The following GRHL3 variants were observed in gnomAD, a reference collection of about 807,000 sequenced individuals.
GRHL3 encodes the protein grainyhead-like protein 3 homolog.
Under a neutral mutation model 70.3 loss-of-function variants are expected in GRHL3, and 20 were observed. The ratio of observed to expected loss-of-function variants is 0.28; its 90% CI spans 0.20 to 0.41. The LOEUF is 0.41. Ranked by LOEUF, GRHL3 falls within the 10% of genes least tolerant of loss-of-function variation. GRHL3 has a pLI of 1.00. For synonymous variants in GRHL3, 299 were observed against 299.9 expected (o/e 1.00, Z 0.03); for missense variants, 637 against 762.3 (o/e 0.84, Z 1.94).
At position 24,354,656 on chromosome 1, in the gene GRHL3, C is replaced by A. The variant is rs1640646595; in HGVS notation, c.*168C>A. On this transcript the variant is annotated 3_prime_UTR_variant, in exon 16 of 16. Transcript: ENST00000361548. ...ACAGACGTCAGGGCCAGGGAGAGAC[C>A]TAGGGGGTCCCCTGGCCTGGATCCC... 1.8e-6 allele frequency: 1 copy of A among 563,864 alleles called. No homozygotes were observed. The highest frequency in any genetic ancestry group is 1.9e-5 in the African/African-American group (1 of 53,140). The allele number at this position is 563,864 out of a possible 1,614,324, so 34.9% of individuals were successfully genotyped here.
intron 15 of GRHL3, among the ~76,000 whole-genome samples, chr1:24,363,635 T>A (rs144332998): frequency 1.5e-3 from 230 of 152,370 alleles, no homozygotes; most frequent in African/African-American, 5.3e-3. Context: ...GCTTTACTTG[T>A]AACATTTGTT....
chr1:24,348,410 C>G (rs1640377341), intron 14 of GRHL3, among the ~76,000 whole-genome samples: 1 of 152,228 alleles, frequency 6.6e-6, no homozygotes, highest in Non-Finnish European at 1.5e-5. Flanking sequence ...CCAGCCCAGG[C>G]TCTCCTCATG....
chr1:24,352,977 C>A (rs1303944416), intron 15 of GRHL3, among the ~76,000 whole-genome samples: 1 of 152,178 alleles, frequency 6.6e-6, no homozygotes, highest in Non-Finnish European at 1.5e-5. Flanking sequence ...CTCGGGGGGT[C>A]CTCGTGCCTG....
chr1:24,325,669 G>A (rs1639362418), intron 1 of GRHL3, among the ~76,000 whole-genome samples: 1 of 152,208 alleles, frequency 6.6e-6, no homozygotes, highest in Non-Finnish European at 1.5e-5. Flanking sequence ...GGCTGACTGG[G>A]CATGGAGCAG....
rs1342551931 is a variant in GRHL3, at chr1:24,322,531, G to A, written c.17+2963G>A. On this transcript the variant is annotated intron_variant, in intron 1 of 15. Transcript: ENST00000361548. This position sits in a 1 kb window ranked among gnomAD's most constrained non-coding sequence, Gnocchi z 4.4. ...ATGAAAAGTTAAAAGCCCTCTTTGA[G>A]TTCGGGCTGTAAAACTGGCGGACTG... is the stretch of plus-strand genomic sequence containing the variant. Among the ~76,000 whole-genome samples, 1 of 152,266 alleles carries A rather than the reference G, an allele frequency of 6.6e-6. No homozygotes were observed. The highest frequency in any genetic ancestry group is 1.5e-5 in the Non-Finnish European group (1 of 68,046).
intron 1 of GRHL3, among the ~76,000 whole-genome samples, chr1:24,325,456 A>G (rs1188571790): frequency 1.3e-5 from 2 of 152,256 alleles, no homozygotes; most frequent in Non-Finnish European, 2.9e-5. Flanking sequence ...GGATTCTAAC[A>G]GAAGGAAATG....
intron 14 of GRHL3, among the ~76,000 whole-genome samples, chr1:24,349,507 C>T (rs774885408): frequency 2.6e-4 from 40 of 152,320 alleles, no homozygotes; most frequent in African/African-American, 6.3e-4. Flanking sequence ...GCTCAGTACG[C>T]GCCAGGAGCT....
downstream of GRHL3, among the ~76,000 whole-genome samples, chr1:24,356,041 C>G (rs1640706176): frequency 6.6e-6 from 1 of 151,446 alleles, no homozygotes; most frequent in East Asian, 1.9e-4. Context: ...GCTGGGACTA[C>G]AGGTGCCTGA....
chr1:24,362,080 GC>G (rs1475324828), intron 15 of GRHL3, among the ~76,000 whole-genome samples: 1 of 152,144 alleles, frequency 6.6e-6, no homozygotes, highest in Admixed American at 6.5e-5. Flanking sequence ...GCACTGAATG[GC>G]CAAGGGAGCC....
In GRHL3 at chr1:24,354,682, C is replaced by T; in HGVS notation, c.*194C>T. On this transcript the variant is annotated 3_prime_UTR_variant, in exon 16 of 16. Transcript: ENST00000361548. ...TAGGGGGTCCCCTGGCCTGGATCCC[C>T]ATGGTATGCTTGAATCTGCTCCCTG... is the stretch of plus-strand genomic sequence containing the variant. 1 of 527,100 alleles carries T rather than the reference C, an allele frequency of 1.9e-6. No homozygotes were observed. The highest frequency in any genetic ancestry group is 3.4e-6 in the Non-Finnish European group (1 of 292,204). 32.7% of individuals were successfully genotyped at this position (527,100 alleles called of 1,614,324 possible).
chr1:24,364,015 A>T (rs991609814), intron 15 of GRHL3, among the ~76,000 whole-genome samples: 1 of 152,162 alleles, frequency 6.6e-6, no homozygotes, highest in African/African-American at 2.4e-5. Flanking sequence ...ATGGCCTCTC[A>T]ATCCAGCCTA....
At chr1:24,331,379 C>T in intron 1 of GRHL3, 47 bp from the exon 2 acceptor site, 1 of 1,538,154 alleles carries the variant, frequency 6.5e-7, no homozygotes, top group Non-Finnish European at 8.8e-7. Flanking sequence ...CATTCACGGA[C>T]CTTCCTCTGG....
At chr1:24,343,063 G>A (rs371569495) in intron 11 of GRHL3, 38 bp downstream of exon 11, 16 of 1,613,002 alleles carry the variant, frequency 9.9e-6, no homozygotes, top group Non-Finnish European at 1.4e-5. Flanking sequence ...GGAGCCGAGA[G>A]AGGGTCCTGG....
At chr1:24,348,137 T>C (rs1489089490) in intron 14 of GRHL3, among the ~76,000 whole-genome samples, 1 of 152,064 alleles carries the variant, frequency 6.6e-6, no homozygotes, top group East Asian at 1.9e-4. Flanking sequence ...GTGGAACCAC[T>C]CGGAAAAGCC....
At position 24,354,447 on chromosome 1, in the gene GRHL3, G is replaced by T. The variant is rs750368292; in HGVS notation, c.1768G>T (p.Glu590Ter). 6.2e-7 allele frequency: 1 copy of T among 1,613,718 alleles called. No homozygotes were observed. Among genetic ancestry groups the T allele is most frequent in the African/African-American group, 1.3e-5 (1 of 74,870 alleles). The change falls in exon 16 of 16, where the codon GAG becomes TAG. Residue 590 changes from glutamate (E) to a stop codon, truncating the protein, a stop_gained. Coordinates refer to ENST00000361548, the MANE Select transcript of GRHL3 (RefSeq NM_198173.3). LOFTEE classifies it high-confidence loss of function. ...NHVAFLLDMG[E>*]LDGKIQIILK... ...CGTCGCCTTCCTGCTGGACATGGGG[G>T]AGCTGGACGGCAAAATTCAGATCAT...
chr1:24,339,626 CCCTT>C (rs768649179), intron 7 of GRHL3, 38 bp from the exon 8 acceptor site: 1 of 1,435,672 alleles, frequency 7.0e-7, no homozygotes, highest in South Asian at 1.2e-5. Flanking sequence ...GGTCCCAGAT[CCCTT>C]CCTTCCTGAT....
Position 24,334,629 on chromosome 1 carries a change from C to A in GRHL3, c.205-16C>A. 6.2e-7 allele frequency: 1 copy of A among 1,606,852 alleles called. No homozygotes were observed. Among genetic ancestry groups the A allele is most frequent in the Non-Finnish European group, 8.5e-7 (1 of 1,176,236 alleles). On this transcript the variant is annotated splice_polypyrimidine_tract_variant and intron_variant, in intron 2 of 15. Transcript: ENST00000361548. The surrounding 1 kb of genome is among the most constrained non-coding windows in gnomAD (Gnocchi z 4.3). Reference sequence around the variant, plus strand: ...AAGCTTAGCCATGCATAAATCCTTCCTTTCTCTCTTCTCAGGGTCCCAAGG... The same window carrying A: ...AAGCTTAGCCATGCATAAATCCTTCATTTCTCTCTTCTCAGGGTCCCAAGG...
At chr1:24,351,417 G>T (rs1038469807) in intron 15 of GRHL3, among the ~76,000 whole-genome samples, 9 of 148,344 alleles carry the variant, frequency 6.1e-5, no homozygotes, top group Non-Finnish European at 1.3e-4. Context: ...GGTTTTTTTT[G>T]GTTTTAGCTG....
chr1:24,332,018 T>C (rs1242420099), intron 2 of GRHL3, among the ~76,000 whole-genome samples: 1 of 152,198 alleles, frequency 6.6e-6, no homozygotes, highest in Non-Finnish European at 1.5e-5. Flanking sequence ...TGACACGTGT[T>C]GACCAAGTGG....
Sources: gnomAD v4.1 joint callset for allele counts (sites outside exome capture counted in the v4.1 genomes callset) on GRCh38, gnomAD v4.1.1 for gene constraint, Gnocchi (gnomAD v3.1) non-coding constraint, MANE v1.5 for transcripts, NCBI Gene and HGNC (gene_info 2026-07-23, HGNC 2026-07-21) for gene names.